Variants in GK5 observed in about 807,000 individuals in gnomAD.
GK5 encodes the protein glycerol kinase 5.
A neutral mutation model predicts 77.3 loss-of-function variants in GK5; 39 were observed. The ratio of observed to expected loss-of-function variants is 0.50; its 90% CI spans 0.39 to 0.66. The LOEUF is 0.66. GK5 is among the 30% of genes least tolerant of loss of function. GK5 has a pLI of 0.00. For missense variants in GK5, 487 were observed against 633.8 expected (o/e 0.77, Z 2.49); for synonymous variants, 211 against 208.0 (o/e 1.01, Z -0.13).
chr3:142,157,578 T>C lies in GK5; in HGVS notation c.*8044A>G, dbSNP rs2063392237. 1.3e-5 allele frequency: 2 copies of C among 152,232 alleles called. No individual in the cohort carries two copies. The highest frequency in any genetic ancestry group is 2.9e-5 in the Non-Finnish European group (2 of 68,040). The allele number at this position is 152,232 out of a possible 1,614,324, so 9.4% of individuals were successfully genotyped here. On this transcript the variant is annotated 3_prime_UTR_variant, in exon 16 of 16. Coordinates refer to ENST00000392993, the MANE Select transcript of GK5 (RefSeq NM_001039547.3). ...CCAACGTACAGATTATTCAGTTCCA[T>C]TGTAATTTCCCAAATAATTTTAGAT... is the stretch of plus-strand genomic sequence containing the variant.
chr3:142,178,154 G>A (rs2063646441), intron 11 of GK5, among the ~76,000 whole-genome samples: 1 of 152,020 alleles, frequency 6.6e-6, no homozygotes, highest in Admixed American at 6.5e-5. Flanking sequence ...CGCCACACCT[G>A]GCTGCTTTTT....
chr3:142,207,336 G>A (rs1309384351), intron 3 of GK5, among the ~76,000 whole-genome samples: 1 of 152,050 alleles, frequency 6.6e-6, no homozygotes, highest in Non-Finnish European at 1.5e-5. Context: ...GAGAATTTCT[G>A]GTCTAACTGG....
intron 2 of GK5, 77 bp downstream of exon 2, chr3:142,215,522 C>A (rs2107798066): frequency 4.2e-6 from 3 of 722,644 alleles, no homozygotes; most frequent in East Asian, 2.8e-5. Context: ...AGGAAAACCA[C>A]AACTACAGAA....
At chr3:142,215,429 G>A (rs1256455001) in intron 2 of GK5, among the ~76,000 whole-genome samples, 170 bp downstream of exon 2, 1 of 151,994 alleles carries the variant, frequency 6.6e-6, no homozygotes, top group African/African-American at 2.4e-5. Flanking sequence ...CCTGACAAAG[G>A]AGCTCACTGT....
intron 9 of GK5, chr3:142,185,136 G>A: frequency 2.0e-6 from 2 of 984,942 alleles, no homozygotes; most frequent in Non-Finnish European, 2.4e-6. Flanking sequence ...AAACAGGCTT[G>A]GCACAGTGAC....
chr3:142,175,476 TC>T (rs751287725), intron 12 of GK5, among the ~76,000 whole-genome samples: 4 of 152,336 alleles, frequency 2.6e-5, no homozygotes, highest in Non-Finnish European at 5.9e-5. Context: ...AAAGGCAGTT[TC>T]ACAGATACAT....
chr3:142,224,745 T>C (rs1027345734), intron 1 of GK5, among the ~76,000 whole-genome samples: 4 of 151,778 alleles, frequency 2.6e-5, no homozygotes, highest in South Asian at 2.1e-4. Flanking sequence ...TTTTGTGGAG[T>C]AGTAGTTAAT....
At chr3:142,184,333 T>A (rs2063739403) in intron 9 of GK5, among the ~76,000 whole-genome samples, 1 of 151,196 alleles carries the variant, frequency 6.6e-6, no homozygotes. Flanking sequence ...AAGATTTTTT[T>A]CATTTTCAAC....
chr3:142,191,322 C>A (rs2063847217), intron 5 of GK5, among the ~76,000 whole-genome samples: 1 of 151,918 alleles, frequency 6.6e-6, no homozygotes, highest in African/African-American at 2.4e-5. Context: ...GCCACTGCGC[C>A]CGGCAAGAAG....
intron 15 of GK5, 147 bp from the exon 16 acceptor site, chr3:142,165,917 G>T: frequency 1.8e-6 from 1 of 553,150 alleles, no homozygotes; most frequent in South Asian, 2.8e-5. Flanking sequence ...TTTGAATTTT[G>T]TTAGATCGAT....
At chr3:142,172,018 T>A (rs1170062507) in intron 13 of GK5, among the ~76,000 whole-genome samples, 1 of 152,146 alleles carries the variant, frequency 6.6e-6, no homozygotes, top group Non-Finnish European at 1.5e-5. Flanking sequence ...AACAGAAGCA[T>A]TATTACTTGG....
Position 142,203,982 on chromosome 3 carries a change from T to C in GK5, c.411+713A>G, listed in dbSNP as rs114526907. 7.1e-3 allele frequency among the ~76,000 whole-genome samples: 1,080 copies of C among 152,202 alleles called. 11 individuals carry two copies. Among genetic ancestry groups the C allele is most frequent in the African/African-American group, 0.024 (1,012 of 41,538 alleles). On this transcript the variant is annotated intron_variant, in intron 4 of 15. Transcript: ENST00000392993. ...GCTATTGTCACTGTCACCATCATCA[T>C]TGTCATTTACTGATGCCTACTATGT...
chr3:142,171,096 T>A (rs1291310574), intron 14 of GK5, among the ~76,000 whole-genome samples: 1 of 152,104 alleles, frequency 6.6e-6, no homozygotes, highest in African/African-American at 2.4e-5. Context: ...CTGGGCGTGG[T>A]GGTGCATGTC....
chr3:142,198,770 A>T lies in GK5; in HGVS notation c.543+32T>A, dbSNP rs1294605518. On this transcript the variant is annotated intron_variant, in intron 5 of 15. Transcript: ENST00000392993. ...CTTTATATGGTTTCCACATACACAC[A>T]TATTTTCCACATACACACAGTATTT... is the stretch of plus-strand genomic sequence containing the variant. The T allele has an allele frequency of 7.6e-6, 12 of 1,574,830 alleles. No homozygotes were observed. In the East Asian group the frequency reaches 2.8e-4, roughly 36 times the overall value.
At chr3:142,183,106 T>C (rs368341117) in intron 9 of GK5, 57 bp from the exon 10 acceptor site, 245 of 1,502,702 alleles carry the variant, frequency 1.6e-4, no homozygotes, top group East Asian at 4.1e-4. Context: ...AATTTTATTA[T>C]AGAGCATTGT....
At chr3:142,215,990 T>G (rs890227821) in intron 1 of GK5, among the ~76,000 whole-genome samples, 1 of 152,154 alleles carries the variant, frequency 6.6e-6, no homozygotes, top group African/African-American at 2.4e-5. Context: ...TTTAAAAAAT[T>G]AAAAATAAAT....
At position 142,172,337 on chromosome 3, in the gene GK5, G is replaced by C; in HGVS notation, c.1247+16C>G. 1 of 1,288,744 alleles carries C rather than the reference G, an allele frequency of 7.8e-7. No individual in the cohort carries two copies. The highest frequency in any genetic ancestry group is 1.1e-6 in the Non-Finnish European group (1 of 895,652). 79.8% of individuals were successfully genotyped at this position (1,288,744 alleles called of 1,614,324 possible). On this transcript the variant is annotated intron_variant, in intron 13 of 15. Transcript: ENST00000392993. ...TATTCTATGGGGAAGGGGAAGTTTAGGGCAGGTTTTCATACCTGAAAGCTA... is the reference window on the plus strand; with the variant it reads ...TATTCTATGGGGAAGGGGAAGTTTACGGCAGGTTTTCATACCTGAAAGCTA...
At chr3:142,222,543 G>C (rs1003078858) in intron 1 of GK5, among the ~76,000 whole-genome samples, 12 of 151,170 alleles carry the variant, frequency 7.9e-5, no homozygotes, top group Non-Finnish European at 1.5e-4. Context: ...CAGCCTGGGC[G>C]ACAGAGCGAG....
chr3:142,212,264 G>A (rs1405360577), intron 3 of GK5, among the ~76,000 whole-genome samples: 1 of 152,034 alleles, frequency 6.6e-6, no homozygotes, highest in African/African-American at 2.4e-5. Flanking sequence ...TTTAAACCAA[G>A]ACACAGAGAA....
Sources: gnomAD v4.1 joint callset for allele counts (sites outside exome capture counted in the v4.1 genomes callset) on GRCh38, gnomAD v4.1.1 for gene constraint, MANE v1.5 for transcripts, NCBI Gene and HGNC (gene_info 2026-07-23, HGNC 2026-07-21) for gene names.